APOL6: variants seen among roughly 807,000 people sequenced by gnomAD.
APOL6 encodes the protein apolipoprotein L6.
In APOL6, 1 loss-of-function variant was observed where a neutral mutation model predicts 2.4. The observed-to-expected ratio is 0.41, with a 90% CI of 0.15 to 1.94. The LOEUF is 1.94. Ranked by LOEUF, APOL6 falls within the 30% of genes most tolerant of loss-of-function variation. The pLI, the probability that APOL6 is intolerant of heterozygous loss-of-function variation, is 0.30. For synonymous variants in APOL6, 189 were observed against 169.3 expected, an observed-to-expected ratio of 1.12 and a Z score of -0.90; for missense variants, 438 against 429.2, an observed-to-expected ratio of 1.02 and a Z score of -0.18.
chr22:35,658,805 G>C lies in APOL6; in HGVS notation c.241G>C (p.Ala81Pro). 1 of 1,614,186 alleles carries C rather than the reference G, an allele frequency of 6.2e-7. No individual in the cohort carries two copies. Among genetic ancestry groups the C allele is most frequent in the Non-Finnish European group, 8.5e-7 (1 of 1,180,030 alleles). The change falls in exon 3 of 3, where the codon GCC becomes CCC. Residue 81 changes from alanine to proline, a missense_variant. Coordinates refer to ENST00000409652, the MANE Select transcript of APOL6 (RefSeq NM_030641.4). ...GAAATTCACCAAGGCTAACATGGTG[G>C]CCACCTCTACTGCTGTCATCTCTGG... is the stretch of plus-strand genomic sequence containing the variant. ...HKKFTKANMV[A>P]TSTAVISGVM...
intron 2 of APOL6, among the ~76,000 whole-genome samples, chr22:35,656,719 G>A (rs1569134489): frequency 6.6e-6 from 1 of 152,136 alleles, no homozygotes; most frequent in East Asian, 1.9e-4. Context: ...TTGGGCAATA[G>A]GACTCCAAAG....
In APOL6 at chr22:35,656,440, G is replaced by C. The variant is rs751559917; in HGVS notation, c.15G>C (p.Ala5=). 2.4e-5 allele frequency: 38 copies of C among 1,613,966 alleles called. No individual in the cohort carries two copies. In the African/African-American group the frequency reaches 4.4e-4, roughly 19 times the overall value. ...CACAGAGGCTGATGGACAACCAGGC[G>C]GAGAGAGAAAGTGAGGCTGGTGTTG... is the stretch of plus-strand genomic sequence containing the variant. MDNQ[A]ERESEAGVGL... is the part of the protein sequence containing the mutation. Residue 5 remains alanine, a synonymous_variant, in exon 2 of 3, where the codon GCG becomes GCC. Coordinates refer to ENST00000409652, the MANE Select transcript of APOL6 (RefSeq NM_030641.4).
chr22:35,659,405 A>G lies in APOL6; in HGVS notation c.841A>G (p.Lys281Glu), dbSNP rs1343675147. 2.5e-6 allele frequency: 4 copies of G among 1,614,140 alleles called. No individual in the cohort carries two copies. The highest frequency in any genetic ancestry group is 2.5e-6 in the Non-Finnish European group (3 of 1,180,022). Residue 281 changes from lysine (K) to glutamate (E), a missense_variant, in exon 3 of 3, where the codon AAA becomes GAA. By Grantham distance (56) the Lys-to-Glu change is moderately conservative. Transcript: ENST00000409652. ...LRAKALELER[K>E]LTELTQLYKS... ...AGCCAAGGCCTTGGAGCTGGAGAGG[A>G]AACTCACAGAACTCACCCAGCTCTA...
At position 35,659,619 on chromosome 22, in the gene APOL6, C is replaced by T. The variant is rs1924965390; in HGVS notation, c.*23C>T. 1 of 1,565,530 alleles carries T rather than the reference C, an allele frequency of 6.4e-7. No individual in the cohort carries two copies. The highest frequency in any genetic ancestry group is 8.7e-7 in the Non-Finnish European group (1 of 1,154,366). ...TGAATGTTCCTCAGGACATGGCATACAATGGCCTTGGAGGTCCAAATAATA... is the reference window on the plus strand; with the variant it reads ...TGAATGTTCCTCAGGACATGGCATATAATGGCCTTGGAGGTCCAAATAATA... On this transcript the variant is annotated 3_prime_UTR_variant, in exon 3 of 3. Coordinates refer to ENST00000409652, the MANE Select transcript of APOL6 (RefSeq NM_030641.4).
In APOL6 at chr22:35,664,747, T is replaced by G. The variant is rs1474664876; in HGVS notation, c.*5151T>G. The G allele has an allele frequency of 6.6e-6, 1 of 152,040 alleles. No individual in the cohort carries two copies. The highest frequency in any genetic ancestry group is 2.4e-5 in the African/African-American group (1 of 41,420). The allele number at this position is 152,040 out of a possible 1,614,324, so 9.4% of individuals were successfully genotyped here. On this transcript the variant is annotated 3_prime_UTR_variant, in exon 3 of 3. Coordinates refer to ENST00000409652, the MANE Select transcript of APOL6 (RefSeq NM_030641.4). ...AATAGATAATTTATTATTTGGGTAT[T>G]TTCCAATAAATATATCTTGTAGGAA...
chr22:35,654,945 C>T (rs117616249), intron 1 of APOL6, among the ~76,000 whole-genome samples: 1 of 151,990 alleles, frequency 6.6e-6, no homozygotes, highest in Non-Finnish European at 1.5e-5. Context: ...AACTTTAGAC[C>T]CTTATAGGCC....
At chr22:35,649,449 A>T (rs1007962769) in intron 1 of APOL6, among the ~76,000 whole-genome samples, 1 of 151,950 alleles carries the variant, frequency 6.6e-6, no homozygotes, top group Non-Finnish European at 1.5e-5. Flanking sequence ...AAAAAAAAAA[A>T]AAAAATCTAG....
chr22:35,658,671 C>A lies in APOL6; in HGVS notation c.107C>A (p.Ser36Tyr), dbSNP rs529203399. The A allele has an allele frequency of 1.5e-5, 24 of 1,613,962 alleles. No homozygotes were observed. The South Asian group carries it at 2.0e-4, about 13-fold the overall frequency. The change falls in exon 3 of 3, where the codon TCC becomes TAC. Residue 36 changes from serine (S) to tyrosine (Y), a missense_variant. Transcript: ENST00000409652. ...GTGGAGCTACAAGACGGAGATCTGT[C>A]CCCCGAAGAAAAAATATTTTTGAGA... Reference protein sequence around the residue: ...EDVELQDGDLSPEEKIFLREF... With the variant: ...EDVELQDGDLYPEEKIFLREF...
rs537387869 is a variant in APOL6, at chr22:35,656,475, G to C, written c.50G>C (p.Arg17Thr). The C allele has an allele frequency of 6.2e-7, 1 of 1,614,048 alleles. No individual in the cohort carries two copies. Reference protein sequence around the residue: ...RESEAGVGLQRDEDDAPLCED... With the variant: ...RESEAGVGLQTDEDDAPLCED... ...AGTGAGGCTGGTGTTGGTTTGCAAA[G>C]GTAATCCAAAGGGTGTAGTCCCCAG... Residue 17 changes from arginine (R) to threonine (T), a missense_variant and splice_region_variant, in exon 2 of 3, where the codon AGG (arginine) becomes ACG (threonine). Physicochemically the swap from Arg to Thr is moderately conservative, Grantham distance 71. Coordinates refer to ENST00000409652, the MANE Select transcript of APOL6 (RefSeq NM_030641.4).
chr22:35,654,026 A>G (rs1312617875), intron 1 of APOL6, among the ~76,000 whole-genome samples: 1 of 152,186 alleles, frequency 6.6e-6, no homozygotes, highest in African/African-American at 2.4e-5. Flanking sequence ...TACAATGACT[A>G]GTTTATTATA....
At position 35,662,604 on chromosome 22, in the gene APOL6, A is replaced by T. The variant is rs117039990; in HGVS notation, c.*3008A>T. 1 of 152,302 alleles carries T rather than the reference A, an allele frequency of 6.6e-6. No homozygotes were observed. Among genetic ancestry groups the T allele is most frequent in the Non-Finnish European group, 1.5e-5 (1 of 68,124 alleles). 9.4% of individuals were successfully genotyped at this position (152,302 alleles called of 1,614,324 possible). ...AATGTCTTATGTCTCCCTAAAATGT[A>T]TAAAACCAAGGTATGCCCCAACCAT... On this transcript the variant is annotated 3_prime_UTR_variant, in exon 3 of 3. Coordinates refer to ENST00000409652, the MANE Select transcript of APOL6 (RefSeq NM_030641.4).
At position 35,663,414 on chromosome 22, in the gene APOL6, A is replaced by G. The variant is rs1039551866; in HGVS notation, c.*3818A>G. The G allele has an allele frequency of 4.0e-5, 6 of 151,594 alleles. No homozygotes were observed. The highest frequency in any genetic ancestry group is 1.5e-4 in the African/African-American group (6 of 41,218). The allele number at this position is 151,594 out of a possible 1,614,324, so 9.4% of individuals were successfully genotyped here. ...CTGCTTAACTGAAACAGTAACATCC[A>G]TGATGTGTGTTTTGTGCATGTTTGT... On this transcript the variant is annotated 3_prime_UTR_variant, in exon 3 of 3. Coordinates refer to ENST00000409652, the MANE Select transcript of APOL6 (RefSeq NM_030641.4).
Position 35,668,298 on chromosome 22 carries a change from C to A in APOL6, c.*8702C>A, listed in dbSNP as rs1925248031. On this transcript the variant is annotated 3_prime_UTR_variant, in exon 3 of 3. Transcript: ENST00000409652. The stretch of plus-strand genomic sequence containing the variant: ...TCATGTCTCCCTAAAATGTATAAAA[C>A]CACGCTGTTCCCCGACCACCTGGAG... 6.6e-6 allele frequency: 1 copy of A among 152,196 alleles called. No individual in the cohort carries two copies. The highest frequency in any genetic ancestry group is 1.5e-5 in the Non-Finnish European group (1 of 68,058). The allele number at this position is 152,196 out of a possible 1,614,324, so 9.4% of individuals were successfully genotyped here.
intron 2 of APOL6, 129 bp downstream of exon 2, chr22:35,656,604 C>A: frequency 9.8e-7 from 1 of 1,023,028 alleles, no homozygotes. Flanking sequence ...TACCGCTGGT[C>A]TCCATTATGC....
In APOL6 at chr22:35,665,095, T is replaced by G. The variant is rs1375559247; in HGVS notation, c.*5499T>G. ...ACATTGGTGTAAGTCATGATAAGATTTTATATATATATATACACACACACA... is the reference window on the plus strand; with the variant it reads ...ACATTGGTGTAAGTCATGATAAGATGTTATATATATATATACACACACACA... On this transcript the variant is annotated 3_prime_UTR_variant, in exon 3 of 3. Coordinates refer to ENST00000409652, the MANE Select transcript of APOL6 (RefSeq NM_030641.4). 2 of 149,662 alleles carry G rather than the reference T, an allele frequency of 1.3e-5. No homozygotes were observed. The highest frequency in any genetic ancestry group is 5.0e-5 in the African/African-American group (2 of 40,128). 9.3% of individuals were successfully genotyped at this position (149,662 alleles called of 1,614,324 possible).
intron 1 of APOL6, among the ~76,000 whole-genome samples, chr22:35,653,319 G>A (rs1044573256): frequency 6.6e-6 from 1 of 152,132 alleles, no homozygotes; most frequent in Non-Finnish European, 1.5e-5. Flanking sequence ...GGGTTTTCTA[G>A]ATATACAATC....
chr22:35,654,538 C>CTA (rs1323398308), intron 1 of APOL6, among the ~76,000 whole-genome samples: 90 of 140,120 alleles, frequency 6.4e-4, no homozygotes, highest in East Asian at 2.5e-3. Context: ...CTCTCTCTCT[C>CTA]TCTATATATA....
rs1601870279 is a variant in APOL6, at chr22:35,662,931, C to T, written c.*3335C>T. On this transcript the variant is annotated 3_prime_UTR_variant, in exon 3 of 3. Coordinates refer to ENST00000409652, the MANE Select transcript of APOL6 (RefSeq NM_030641.4). ...TGGTAGAGATCGGAAGTTTATTTTG[C>T]TGTACAACACCTCTTTTTTTGGAGT... 2.0e-5 allele frequency: 3 copies of T among 152,300 alleles called. No individual in the cohort carries two copies. Among genetic ancestry groups the T allele is most frequent in the Admixed American group, 1.3e-4 (2 of 15,298 alleles). The allele number at this position is 152,300 out of a possible 1,614,324, so 9.4% of individuals were successfully genotyped here.
rs1924923671 is a variant in APOL6, at chr22:35,658,867, A to C, written c.303A>C (p.Ala101=). Residue 101 remains alanine (A), a synonymous_variant, in exon 3 of 3, where the codon GCA becomes GCC. Coordinates refer to ENST00000409652, the MANE Select transcript of APOL6 (RefSeq NM_030641.4). The stretch of plus-strand genomic sequence containing the variant: ...TCCTGGGTTTAGCCCTTGCCCCAGC[A>C]ACAGGAGGAGGAAGCCTGCTGCTCT... ...MSLLGLALAP[A]TGGGSLLLST... The C allele has an allele frequency of 6.2e-7, 1 of 1,614,138 alleles. No individual in the cohort carries two copies. The highest frequency in any genetic ancestry group is 8.5e-7 in the Non-Finnish European group (1 of 1,180,012).
Sources: allele counts gnomAD v4.1 joint callset (sites outside exome capture counted in the v4.1 genomes callset), GRCh38; gene constraint gnomAD v4.1.1; transcripts MANE v1.5; gene names NCBI Gene and HGNC (gene_info 2026-07-23, HGNC 2026-07-21).